ZC3H7A: variants seen among roughly 807,000 people sequenced by gnomAD.
ZC3H7A encodes the protein zinc finger CCCH domain-containing protein 7A.
In ZC3H7A, 44 loss-of-function variants were observed where a neutral mutation model predicts 125.5. That is an observed-to-expected ratio of 0.35 (90% CI 0.28 to 0.45). ZC3H7A has a LOEUF of 0.45. Among genes scored for constraint, ZC3H7A ranks in the 20% least tolerant of loss-of-function variants. ZC3H7A has a pLI of 1.00. For missense variants in ZC3H7A, 977 were observed against 1,170.7 expected (o/e 0.83, Z 2.41); for synonymous variants, 399 against 391.2 (o/e 1.02, Z -0.23).
chr16:11,770,123 C>T (rs974396695), intron 10 of ZC3H7A, among the ~76,000 whole-genome samples: 1 of 152,036 alleles, frequency 6.6e-6, no homozygotes, highest in African/African-American at 2.4e-5. Flanking sequence ...CAATTATTTT[C>T]TCTCTGCCCT....
chr16:11,786,459 G>A (rs2053258399), intron 1 of ZC3H7A, among the ~76,000 whole-genome samples: 1 of 152,184 alleles, frequency 6.6e-6, no homozygotes, highest in South Asian at 2.1e-4. Flanking sequence ...ATGGACTCCT[G>A]GGTAGTGATA....
chr16:11,764,566 C>CA (rs1046900961), intron 15 of ZC3H7A, among the ~76,000 whole-genome samples: 1 of 151,304 alleles, frequency 6.6e-6, no homozygotes, highest in Non-Finnish European at 1.5e-5. Flanking sequence ...TTAAAAAATA[C>CA]AAAAAATTAG....
intron 18 of ZC3H7A, 187 bp downstream of exon 18, chr16:11,761,723 A>G (rs1324605708): frequency 1.1e-6 from 1 of 902,094 alleles, no homozygotes; most frequent in Non-Finnish European, 1.6e-6. Flanking sequence ...TACAGGAAAA[A>G]AACACTACTT....
At chr16:11,787,433 C>A (rs1352897542) in intron 1 of ZC3H7A, among the ~76,000 whole-genome samples, 1 of 152,120 alleles carries the variant, frequency 6.6e-6, no homozygotes, top group Non-Finnish European at 1.5e-5. Flanking sequence ...TAATCTCCCC[C>A]CAACACACAC....
chr16:11,796,249 G>T (rs1459297576), intron 1 of ZC3H7A: 1 of 152,160 alleles, frequency 6.6e-6, no homozygotes, highest in Non-Finnish European at 1.5e-5. Flanking sequence ...TTTCTCATCC[G>T]AAGTTTTTAA....
chr16:11,756,939 G>A (rs144697238), intron 20 of ZC3H7A, among the ~76,000 whole-genome samples: 4 of 152,190 alleles, frequency 2.6e-5, no homozygotes, highest in Admixed American at 2.0e-4. Flanking sequence ...GGCAGTGGCT[G>A]CCAGTTGCTT....
intron 1 of ZC3H7A, among the ~76,000 whole-genome samples, chr16:11,783,573 TC>T (rs1232657108): frequency 1.3e-5 from 2 of 152,198 alleles, no homozygotes; most frequent in African/African-American, 2.4e-5. Flanking sequence ...CAAAAGTGTC[TC>T]CAGATATCGT....
intron 9 of ZC3H7A, among the ~76,000 whole-genome samples, chr16:11,772,608 G>A (rs2053004865): frequency 6.6e-6 from 1 of 151,442 alleles, no homozygotes; most frequent in Non-Finnish European, 1.5e-5. Context: ...CACCACCCCT[G>A]GAAAACAGCT....
intron 15 of ZC3H7A, among the ~76,000 whole-genome samples, chr16:11,763,986 G>C (rs867897850): frequency 6.6e-6 from 1 of 151,062 alleles, no homozygotes; most frequent in Non-Finnish European, 1.5e-5. Flanking sequence ...AATAGAGACG[G>C]GGTTTCACCG....
chr16:11,787,944 T>C (rs1326821050), intron 1 of ZC3H7A, among the ~76,000 whole-genome samples: 4 of 151,602 alleles, frequency 2.6e-5, no homozygotes, highest in Non-Finnish European at 5.9e-5. Flanking sequence ...AAGACTTCGT[T>C]TCCAAAGAAA....
chr16:11,765,737 C>A lies in ZC3H7A; in HGVS notation c.1523-52G>T, dbSNP rs777223221. 6.5e-7 allele frequency: 1 copy of A among 1,542,866 alleles called. No homozygotes were observed. The highest frequency in any genetic ancestry group is 1.2e-5 in the South Asian group (1 of 81,708). On this transcript the variant is annotated intron_variant, in intron 13 of 22. Transcript: ENST00000355758. This position sits in a 1 kb window ranked among gnomAD's most constrained non-coding sequence, Gnocchi z 4.8. ...TTGAAAACATGGCAATTGGCCTGTACTCCCAGCTACTTGGGAGGCTGAGGT... is the reference window on the plus strand; with the variant it reads ...TTGAAAACATGGCAATTGGCCTGTAATCCCAGCTACTTGGGAGGCTGAGGT...
chr16:11,793,588 C>A (rs1399752830), intron 1 of ZC3H7A, among the ~76,000 whole-genome samples: 1 of 152,104 alleles, frequency 6.6e-6, no homozygotes, highest in East Asian at 1.9e-4. Context: ...ATATTCAATT[C>A]TATCCCCAGA....
At chr16:11,776,714 G>A (rs767835002) in intron 5 of ZC3H7A, 37 bp downstream of exon 5, 11 of 1,564,816 alleles carry the variant, frequency 7.0e-6, no homozygotes, top group South Asian at 6.1e-5. Flanking sequence ...TGATGTAAAT[G>A]GTTACGATGT....
At chr16:11,790,985 A>T (rs1218968321) in intron 1 of ZC3H7A, among the ~76,000 whole-genome samples, 3 of 151,528 alleles carry the variant, frequency 2.0e-5, no homozygotes, top group Non-Finnish European at 2.9e-5. Flanking sequence ...AGGGAGGAAG[A>T]TCGCTTAAGC....
At chr16:11,774,162 C>CT in intron 9 of ZC3H7A, 74 bp downstream of exon 9, 2 of 1,382,626 alleles carry the variant, frequency 1.4e-6, no homozygotes, top group Non-Finnish European at 1.9e-6. Context: ...CTGAAAAAGT[C>CT]TATCAAGTTA....
chr16:11,788,422 G>A (rs1432614472), intron 1 of ZC3H7A, among the ~76,000 whole-genome samples: 1 of 152,148 alleles, frequency 6.6e-6, no homozygotes, highest in Non-Finnish European at 1.5e-5. Flanking sequence ...CTGTTTGACA[G>A]TTCCATTTGA....
chr16:11,761,648 C>T (rs975057265), intron 18 of ZC3H7A, 137 bp from the exon 19 acceptor site: 4 of 912,852 alleles, frequency 4.4e-6, no homozygotes, highest in Non-Finnish European at 6.6e-6. Context: ...CCTTATGATT[C>T]TGTATTTTCA....
At chr16:11,772,171 G>A in intron 9 of ZC3H7A, among the ~76,000 whole-genome samples, 1 of 151,172 alleles carries the variant, frequency 6.6e-6, no homozygotes, top group East Asian at 2.0e-4. Context: ...CACCAGCCTG[G>A]GCGACAGAGT....
intron 3 of ZC3H7A, 146 bp from the exon 4 acceptor site, chr16:11,779,509 G>A (rs2141206184): frequency 2.9e-6 from 2 of 679,728 alleles, no homozygotes; most frequent in African/African-American, 1.8e-5. Context: ...TGCAGCCCAA[G>A]TCACTGCTAT....
Sources: allele counts gnomAD v4.1 joint callset (sites outside exome capture counted in the v4.1 genomes callset), GRCh38; gene constraint gnomAD v4.1.1; non-coding constraint Gnocchi (gnomAD v3.1); transcripts MANE v1.5; gene names NCBI Gene and HGNC (gene_info 2026-07-23, HGNC 2026-07-21).